Variants in OR9Q1 observed in about 807,000 individuals in gnomAD.
OR9Q1 encodes olfactory receptor 9Q1.
For synonymous variants in OR9Q1, 153 were observed against 148.6 expected (o/e 1.03, Z -0.22); for missense variants, 374 against 378.8 (o/e 0.99, Z 0.11).
intron 2 of OR9Q1, among the ~76,000 whole-genome samples, chr11:58,070,176 ATT>A (rs535759379): frequency 2.3e-4 from 32 of 136,866 alleles, no homozygotes; most frequent in Middle Eastern, 3.7e-3. Context: ...TAATTTTTGT[ATT>A]TTTTTTTTTT....
chr11:58,176,464 G>A (rs1224523602), intron 2 of OR9Q1, among the ~76,000 whole-genome samples: 1 of 152,206 alleles, frequency 6.6e-6, no homozygotes, highest in Non-Finnish European at 1.5e-5. Context: ...GCAATTATTA[G>A]TGTCTTCTCC....
At chr11:58,156,981 T>C (rs1220480086) in intron 2 of OR9Q1, among the ~76,000 whole-genome samples, 1 of 152,202 alleles carries the variant, frequency 6.6e-6, no homozygotes, top group African/African-American at 2.4e-5. Flanking sequence ...TTTTTCTTAA[T>C]AACCTGTGAG....
chr11:58,034,120 C>A (rs978227107), intron 1 of OR9Q1, among the ~76,000 whole-genome samples: 1 of 121,386 alleles, frequency 8.2e-6, no homozygotes, highest in South Asian at 2.9e-4. Flanking sequence ...CTTGCTCTGT[C>A]GGCCAGGCTA....
chr11:58,059,280 C>T (rs1240371624), intron 2 of OR9Q1, among the ~76,000 whole-genome samples: 1 of 151,906 alleles, frequency 6.6e-6, no homozygotes, highest in East Asian at 1.9e-4. Context: ...TAATTCTTGG[C>T]ATTATTTGAA....
chr11:58,098,563 G>A (rs1853753796), intron 2 of OR9Q1, among the ~76,000 whole-genome samples: 1 of 152,176 alleles, frequency 6.6e-6, no homozygotes, highest in Non-Finnish European at 1.5e-5. Flanking sequence ...GAACCCAGGA[G>A]GCGGAGCTTG....
intron 2 of OR9Q1, among the ~76,000 whole-genome samples, chr11:58,097,540 G>A (rs1382374146): frequency 6.6e-6 from 1 of 152,160 alleles, no homozygotes; most frequent in East Asian, 1.9e-4. Flanking sequence ...AAAATAGTTT[G>A]GCAGTTGCTT....
At chr11:58,171,258 CA>C (rs957262583) in intron 2 of OR9Q1, 1 of 152,126 alleles carries the variant, frequency 6.6e-6, no homozygotes, top group African/African-American at 2.4e-5. Context: ...AAATGTAATC[CA>C]ATGTATACAC....
At chr11:58,042,331 A>G (rs1853173338) in intron 1 of OR9Q1, among the ~76,000 whole-genome samples, 1 of 152,052 alleles carries the variant, frequency 6.6e-6, no homozygotes, top group Non-Finnish European at 1.5e-5. Flanking sequence ...TATAAGGTGT[A>G]AGGAAGGGAT....
chr11:58,093,511 C>A (rs1247297421), intron 2 of OR9Q1, among the ~76,000 whole-genome samples: 1 of 151,888 alleles, frequency 6.6e-6, no homozygotes, highest in East Asian at 1.9e-4. Flanking sequence ...ATTAAAAAGG[C>A]ACACTTTGGG....
chr11:58,175,136 A>T (rs1854592395), intron 2 of OR9Q1, among the ~76,000 whole-genome samples: 1 of 145,112 alleles, frequency 6.9e-6, no homozygotes, highest in Non-Finnish European at 1.5e-5. Flanking sequence ...AAGGAGATTT[A>T]GATTATTACG....
At chr11:58,071,280 G>T (rs1440802039) in intron 2 of OR9Q1, among the ~76,000 whole-genome samples, 1 of 152,174 alleles carries the variant, frequency 6.6e-6, no homozygotes, top group Non-Finnish European at 1.5e-5. Context: ...TTGAGGCCAG[G>T]AGTTTGAGAC....
At chr11:58,115,011 T>G (rs1853937726) in intron 2 of OR9Q1, among the ~76,000 whole-genome samples, 2 of 152,194 alleles carry the variant, frequency 1.3e-5, no homozygotes, top group South Asian at 4.1e-4. Flanking sequence ...CGTACTATTC[T>G]GTGCGGAGCC....
intron 2 of OR9Q1, among the ~76,000 whole-genome samples, chr11:58,142,836 A>G (rs1854263510): frequency 6.6e-6 from 1 of 152,172 alleles, no homozygotes; most frequent in African/African-American, 2.4e-5. Context: ...CTAATTGTGG[A>G]ATAGCTTGAT....
At chr11:58,143,059 A>G (rs1854265913) in intron 2 of OR9Q1, among the ~76,000 whole-genome samples, 1 of 152,234 alleles carries the variant, frequency 6.6e-6, no homozygotes, top group African/African-American at 2.4e-5. Context: ...ATATATGCAC[A>G]TCAGAAACAA....
intron 2 of OR9Q1, among the ~76,000 whole-genome samples, chr11:58,166,427 A>C (rs768894230): frequency 1.3e-5 from 2 of 152,204 alleles, no homozygotes; most frequent in South Asian, 4.1e-4. Context: ...ATCATATTTT[A>C]TATCATCTTC....
At chr11:58,176,483 T>G (rs183361923) in intron 2 of OR9Q1, among the ~76,000 whole-genome samples, 267 of 152,286 alleles carry the variant, frequency 1.8e-3, no homozygotes, top group Middle Eastern at 3.4e-3. Context: ...CCAAAGAGAT[T>G]TGTGTTGGAG....
chr11:58,153,636 A>G (rs1297189811), intron 2 of OR9Q1, among the ~76,000 whole-genome samples: 1 of 152,072 alleles, frequency 6.6e-6, no homozygotes, highest in African/African-American at 2.4e-5. Context: ...TTGGGTTTTA[A>G]ACTCCTGATA....
intron 2 of OR9Q1, among the ~76,000 whole-genome samples, chr11:58,106,538 T>C (rs1425603828): frequency 6.6e-6 from 1 of 152,134 alleles, no homozygotes; most frequent in Non-Finnish European, 1.5e-5. Flanking sequence ...TTTTTGTTTG[T>C]GTTTTTGGTG....
intron 2 of OR9Q1, among the ~76,000 whole-genome samples, chr11:58,151,897 A>T (rs1013438251): frequency 2.0e-5 from 3 of 152,118 alleles, no homozygotes; most frequent in Admixed American, 2.0e-4. Context: ...AGTTACAACA[A>T]TCTACTGTAG....
Sources: gnomAD v4.1 joint callset for allele counts (sites outside exome capture counted in the v4.1 genomes callset) on GRCh38, gnomAD v4.1.1 for gene constraint, MANE v1.5 for transcripts, NCBI Gene and HGNC (gene_info 2026-07-23, HGNC 2026-07-21) for gene names.